SAMD11: variants seen among roughly 807,000 people sequenced by gnomAD.
SAMD11 encodes the protein sterile alpha motif domain containing 11.
A neutral mutation model predicts 64.4 loss-of-function variants in SAMD11; 77 were observed. That is an observed-to-expected ratio of 1.20 (90% CI 0.99 to 1.44). SAMD11 has a LOEUF of 1.44. Among genes scored for constraint, SAMD11 ranks in the 40% most tolerant of loss-of-function variants. The pLI is 0.00. For synonymous variants in SAMD11, 658 were observed against 421.9 expected (o/e 1.56, Z -6.86); for missense variants, 1,402 against 943.3 (o/e 1.49, Z -6.37).
intron 1 of SAMD11, 168 bp from the exon 2 acceptor site, chr1:925,754 G>C: frequency 1.6e-6 from 1 of 610,174 alleles, no homozygotes; most frequent in Non-Finnish European, 3.0e-6. Context: ...GATCCCTGCG[G>C]CGTTCGCGAG....
chr1:933,461 G>A (rs948283059), intron 4 of SAMD11, among the ~76,000 whole-genome samples: 2 of 152,146 alleles, frequency 1.3e-5, no homozygotes, highest in African/African-American at 2.4e-5. Context: ...CCTTCTGGGC[G>A]CCAGGCTCGG....
chr1:925,914 G>A lies in SAMD11; in HGVS notation c.518-8G>A, dbSNP rs749290578. 3.1e-6 allele frequency: 5 copies of A among 1,604,622 alleles called. No individual in the cohort carries two copies. Among genetic ancestry groups the A allele is most frequent in the Non-Finnish European group, 4.3e-6 (5 of 1,174,418 alleles). On this transcript the variant is annotated splice_region_variant and splice_polypyrimidine_tract_variant and intron_variant, in intron 1 of 13. Transcript: ENST00000616016. ...CCCTCACAGGGTCTGCCTCGGCTCT[G>A]CTCGCAGGGAAAAGTCTGAAGACGC...
chr1:944,203 T>A lies in SAMD11; in HGVS notation c.*50T>A, dbSNP rs754622280. ...CACACAAATCTCCAGGAGCCACCAC[T>A]CAACACAATGGCCCTGCCTCCCACC... On this transcript the variant is annotated 3_prime_UTR_variant, in exon 14 of 14. Transcript: ENST00000616016. 26 of 1,497,190 alleles carry A rather than the reference T, an allele frequency of 1.7e-5. 1 individual carries two copies. The highest frequency in any genetic ancestry group is 1.1e-4 in the South Asian group (8 of 70,322). The allele number at this position is 1,497,190 out of a possible 1,614,324, so 92.7% of individuals were successfully genotyped here.
intron 3 of SAMD11, 38 bp downstream of exon 3, chr1:930,374 C>G: frequency 6.4e-7 from 1 of 1,558,160 alleles, no homozygotes. Flanking sequence ...GCGCAAGGCT[C>G]AGATGGGGCT....
At chr1:941,070 T>C in intron 7 of SAMD11, 74 bp from the exon 8 acceptor site, 1 of 1,398,954 alleles carries the variant, frequency 7.1e-7, no homozygotes, top group Admixed American at 2.0e-5. Flanking sequence ...ACCTCAGTGT[T>C]CTACGCCAGG....
intron 7 of SAMD11, 147 bp downstream of exon 7, chr1:939,559 C>G (rs1569902336): frequency 6.8e-7 from 1 of 1,467,500 alleles, no homozygotes; most frequent in Non-Finnish European, 9.2e-7. Context: ...CAAGGCCAGG[C>G]TGGATGCAGG....
chr1:937,684 G>A (rs1641530951), intron 5 of SAMD11, among the ~76,000 whole-genome samples: 1 of 152,140 alleles, frequency 6.6e-6, no homozygotes, highest in African/African-American at 2.4e-5. Context: ...CTGGATCCGT[G>A]TGTGGCCAGG....
intron 4 of SAMD11, among the ~76,000 whole-genome samples, chr1:935,063 C>T (rs545079561): frequency 2.2e-3 from 331 of 152,200 alleles, no homozygotes; most frequent in African/African-American, 7.7e-3. Flanking sequence ...GGTGGAGGGC[C>T]GTGCTCCACA....
At chr1:931,446 T>C (rs1432785942) in intron 4 of SAMD11, among the ~76,000 whole-genome samples, 1 of 151,978 alleles carries the variant, frequency 6.6e-6, no homozygotes, top group Non-Finnish European at 1.5e-5. Context: ...CTTCCCACCC[T>C]CCTAGAGACC....
chr1:943,610 G>A, intron 12 of SAMD11, 88 bp from the exon 13 acceptor site: 1 of 1,351,326 alleles, frequency 7.4e-7, no homozygotes, highest in Non-Finnish European at 9.7e-7. Flanking sequence ...AAATTTCCGT[G>A]AGCTGCACAA....
rs894087603 is a variant in SAMD11, at chr1:944,242, C to T, written c.*89C>T. 8.3e-6 allele frequency: 12 copies of T among 1,447,078 alleles called. No individual in the cohort carries two copies. Among genetic ancestry groups the T allele is most frequent in the African/African-American group, 1.4e-5 (1 of 69,450 alleles). 89.6% of individuals were successfully genotyped at this position (1,447,078 alleles called of 1,614,324 possible). A position where few individuals can be genotyped will look rare whatever the true frequency, so the allele number is the denominator to read the frequency against. On this transcript the variant is annotated 3_prime_UTR_variant, in exon 14 of 14. Coordinates refer to ENST00000616016, the MANE Select transcript of SAMD11 (RefSeq NM_001385641.1). ...CTGCCTCCCACCGCTTTATTTCTTT[C>T]GGTTTCGGATGCAAAACAAAAAATT...
intron 5 of SAMD11, among the ~76,000 whole-genome samples, chr1:938,014 A>G (rs1110051): frequency 0.18 from 27,418 of 151,940 alleles, 5,660 homozygotes; most frequent in African/African-American, 0.48. Flanking sequence ...GTCACAGGGG[A>G]GTGGCCCCTC....
chr1:928,308 C>T (rs987635959), intron 2 of SAMD11, among the ~76,000 whole-genome samples: 22 of 152,334 alleles, frequency 1.4e-4, no homozygotes, highest in Middle Eastern at 3.4e-3. Context: ...AGGAGAATGG[C>T]ATGAACCCGG....
intron 4 of SAMD11, among the ~76,000 whole-genome samples, chr1:933,652 G>A (rs977270284): frequency 1.3e-5 from 2 of 152,172 alleles, no homozygotes; most frequent in Admixed American, 6.5e-5. Context: ...TGACACCCCC[G>A]CGTCGATTAG....
intron 2 of SAMD11, among the ~76,000 whole-genome samples, chr1:926,984 T>C (rs1178324139): frequency 6.6e-6 from 1 of 152,148 alleles, no homozygotes; most frequent in Non-Finnish European, 1.5e-5. Context: ...CAGGGGCCTG[T>C]GAGCCATGAG....
intron 2 of SAMD11, 69 bp downstream of exon 2, chr1:926,082 G>C (rs1472431010): frequency 6.8e-7 from 1 of 1,478,462 alleles, no homozygotes; most frequent in East Asian, 2.3e-5. Flanking sequence ...GCGGTTTTCA[G>C]GGTTTTCAGG....
intron 11 of SAMD11, 41 bp downstream of exon 11, chr1:943,099 G>A (rs1467015867): frequency 6.4e-7 from 1 of 1,556,170 alleles, no homozygotes; most frequent in Non-Finnish European, 8.7e-7. Flanking sequence ...GAGGGCACAG[G>A]ACTGGCAGGC....
Position 941,171 on chromosome 1 carries a change from C to G in SAMD11, c.1223C>G (p.Ala408Gly). 6.2e-7 allele frequency: 1 copy of G among 1,601,160 alleles called. No individual in the cohort carries two copies. The change falls in exon 8 of 14, where the codon GCG becomes GGG. Residue 408 changes from alanine (A) to glycine (G), a missense_variant. Ala to Gly is a moderately conservative substitution (Grantham distance 60). Transcript: ENST00000616016. Reference sequence around the variant, plus strand: ...CTCCTGAGGGTCCGGCAGGAGGTGGCGGCTGCAGCTCTGAGGGGCCCCAGT... The same window carrying G: ...CTCCTGAGGGTCCGGCAGGAGGTGGGGGCTGCAGCTCTGAGGGGCCCCAGT... Reference protein sequence around the residue: ...HDLLRVRQEVAAAALRGPSGL... With the variant: ...HDLLRVRQEVGAAALRGPSGL...
At chr1:941,575 A>C (rs1266503774) in intron 8 of SAMD11, among the ~76,000 whole-genome samples, 1 of 152,026 alleles carries the variant, frequency 6.6e-6, no homozygotes, top group Non-Finnish European at 1.5e-5. Context: ...CCCCGGGGTC[A>C]GTCGGGAGGG....
Sources: allele counts gnomAD v4.1 joint callset (sites outside exome capture counted in the v4.1 genomes callset), GRCh38; gene constraint gnomAD v4.1.1; transcripts MANE v1.5; gene names NCBI Gene and HGNC (gene_info 2026-07-23, HGNC 2026-07-21).